Variants in FRMD4A observed in about 807,000 individuals in gnomAD.
The protein encoded by FRMD4A is FERM domain-containing protein 4A.
Under a neutral mutation model 129.1 loss-of-function variants are expected in FRMD4A, and 29 were observed. The observed-to-expected ratio is 0.22, with a 90% CI of 0.17 to 0.31. FRMD4A has a LOEUF of 0.31. Among genes scored for constraint, FRMD4A ranks in the 10% least tolerant of loss-of-function variants. FRMD4A has a pLI of 1.00. For missense variants in FRMD4A, 1,272 were observed against 1,375.8 expected (o/e 0.92, Z 1.19); for synonymous variants, 634 against 571.6 (o/e 1.11, Z -1.56).
At chr10:14,203,247 T>A (rs1385904637) in intron 2 of FRMD4A, among the ~76,000 whole-genome samples, 1 of 152,214 alleles carries the variant, frequency 6.6e-6, no homozygotes, top group Non-Finnish European at 1.5e-5. Context: ...AAATAAATAA[T>A]CAGTCTTTGA....
chr10:13,987,150 C>T (rs190300745), intron 2 of FRMD4A, among the ~76,000 whole-genome samples: 142 of 152,080 alleles, frequency 9.3e-4, no homozygotes, highest in African/African-American at 3.0e-3. Context: ...AAGCTGTGTC[C>T]GTCACTGTAC....
At position 14,072,451 on chromosome 10, in the gene FRMD4A, G is replaced by A. The variant is rs762882637; in HGVS notation, c.46-213539C>T. On this transcript the variant is annotated intron_variant, in intron 2 of 24. Transcript: ENST00000357447. ...AACATTATTTGGAAAATTAAAAGTC[G>A]AAAATATTATAAGATTAAAATTCTG... Among the ~76,000 whole-genome samples, 14 of 152,256 alleles carry A rather than the reference G, an allele frequency of 9.2e-5. No individual in the cohort carries two copies. In the South Asian group the frequency reaches 1.9e-3, roughly 20 times the overall value.
At chr10:13,686,011 C>G (rs1387518728) in intron 15 of FRMD4A, among the ~76,000 whole-genome samples, 1 of 152,224 alleles carries the variant, frequency 6.6e-6, no homozygotes, top group African/African-American at 2.4e-5. Context: ...CAGGCCAGTC[C>G]TGCTCAAACA....
intron 2 of FRMD4A, among the ~76,000 whole-genome samples, chr10:14,206,870 G>C (rs1842799980): frequency 6.7e-6 from 1 of 149,300 alleles, no homozygotes; most frequent in African/African-American, 2.5e-5. Context: ...AATCCTAAAG[G>C]TGAGATCCAC....
At chr10:14,036,898 A>G (rs1213146508) in intron 2 of FRMD4A, among the ~76,000 whole-genome samples, 2 of 152,174 alleles carry the variant, frequency 1.3e-5, no homozygotes, top group Non-Finnish European at 2.9e-5. Context: ...GAGCAACCCA[A>G]TTCTTACCCT....
intron 2 of FRMD4A, among the ~76,000 whole-genome samples, chr10:14,273,783 T>C (rs1845244089): frequency 6.6e-6 from 1 of 152,064 alleles, no homozygotes; most frequent in African/African-American, 2.4e-5. Context: ...GGACTTTGGG[T>C]CCTTTGATAA....
rs189190740 is a variant in FRMD4A at position 14,137,757 on chromosome 10, C to T, written c.45+192301G>A. Among the ~76,000 whole-genome samples the T allele has an allele frequency of 7.9e-5, 12 of 152,310 alleles. No homozygotes were observed. The East Asian group carries it at 2.3e-3, about 29-fold the overall frequency. On this transcript the variant is annotated intron_variant, in intron 2 of 24. Transcript: ENST00000357447. ...TATGTTTTTCCCACCTGTTAATATG[C>T]AATGGCACTCCCTGCCCTCCTTTGC... is the stretch of plus-strand genomic sequence containing the variant.
intron 2 of FRMD4A, among the ~76,000 whole-genome samples, chr10:14,265,959 TAG>T (rs1844963555): frequency 6.6e-6 from 1 of 152,100 alleles, no homozygotes; most frequent in African/African-American, 2.4e-5. Flanking sequence ...CCTTATCACA[TAG>T]AGTCATGAAG....
chr10:13,750,109 G>GAAAGAAAGAAAGAAAGAAATAAAGAAAGA (rs59377985), intron 8 of FRMD4A, among the ~76,000 whole-genome samples: 5 of 73,578 alleles, frequency 6.8e-5, no homozygotes, highest in Admixed American at 4.5e-4. Flanking sequence ...AGAAAGAAAT[G>GAAAGAAAGAAAGAAAGAAATAAAGAAAGA]AAGAAAGAAA....
At chr10:14,073,252 T>C (rs1258471848) in intron 2 of FRMD4A, among the ~76,000 whole-genome samples, 1 of 151,942 alleles carries the variant, frequency 6.6e-6, no homozygotes, top group Non-Finnish European at 1.5e-5. Flanking sequence ...GGGGCAGTAG[T>C]GGGAGTGAGG....
intron 2 of FRMD4A, among the ~76,000 whole-genome samples, chr10:13,870,131 C>T (rs1226297930): frequency 1.3e-5 from 2 of 152,208 alleles, no homozygotes; most frequent in African/African-American, 2.4e-5. Context: ...GAGGCAGAGG[C>T]TAATGGGAAC....
At chr10:13,653,143 C>T (rs1042546080) in intron 23 of FRMD4A, 1 of 151,914 alleles carries the variant, frequency 6.6e-6, no homozygotes, top group African/African-American at 2.4e-5. Flanking sequence ...ACACAGCAAG[C>T]ACTCAGTAAG....
chr10:14,303,271 T>C (rs1054755140), intron 2 of FRMD4A, among the ~76,000 whole-genome samples: 81 of 152,158 alleles, frequency 5.3e-4, no homozygotes, highest in Non-Finnish European at 2.6e-4. Context: ...TTCTCAAATT[T>C]TAACGTGCAC....
At chr10:13,830,589 C>T (rs1291832730) in intron 3 of FRMD4A, among the ~76,000 whole-genome samples, 1 of 152,164 alleles carries the variant, frequency 6.6e-6, no homozygotes, top group African/African-American at 2.4e-5. Flanking sequence ...CTGCCCCCTG[C>T]AGAACCAGCA....
chr10:14,132,521 GC>G (rs1839314008), intron 2 of FRMD4A, among the ~76,000 whole-genome samples: 1 of 152,138 alleles, frequency 6.6e-6, no homozygotes, highest in African/African-American at 2.4e-5. Context: ...AATCTGGCTG[GC>G]CCCTCTTTGT....
rs541926242 is a variant in FRMD4A at position 13,971,562 on chromosome 10, G to A, written c.46-112650C>T. 116 of 674,628 alleles carry A rather than the reference G, an allele frequency of 1.7e-4. 2 individuals carry two copies. Among genetic ancestry groups the A allele is most frequent in the Admixed American group, 1.4e-3 (56 of 41,390 alleles). The allele number at this position is 674,628 out of a possible 1,614,324, so 41.8% of individuals were successfully genotyped here. A position where few individuals can be genotyped will look rare whatever the true frequency, so the allele number is the denominator to read the frequency against. On this transcript the variant is annotated intron_variant, in intron 2 of 24. Transcript: ENST00000357447. The stretch of plus-strand genomic sequence containing the variant: ...TAAATGTAACATGCTTCAGAGTCCC[G>A]AACACATGTGACAATAGCTCATGCC...
At chr10:13,722,282 A>C (rs2089483655) in intron 12 of FRMD4A, among the ~76,000 whole-genome samples, 1 of 138,442 alleles carries the variant, frequency 7.2e-6, no homozygotes, top group Admixed American at 7.9e-5. Flanking sequence ...CCCAGGCTGG[A>C]GTGCAGTGAT....
intron 3 of FRMD4A, among the ~76,000 whole-genome samples, chr10:13,845,316 A>G (rs990701481): frequency 6.6e-6 from 1 of 152,180 alleles, no homozygotes; most frequent in Non-Finnish European, 1.5e-5. Flanking sequence ...AGTGTTCATG[A>G]AAAGATCAGG....
At chr10:14,225,996 T>C (rs998095328) in intron 2 of FRMD4A, among the ~76,000 whole-genome samples, 2 of 152,214 alleles carry the variant, frequency 1.3e-5, no homozygotes, top group African/African-American at 2.4e-5. Flanking sequence ...TTCCTACAAG[T>C]AAATATTCTA....
Sources: allele counts gnomAD v4.1 joint callset (sites outside exome capture counted in the v4.1 genomes callset), GRCh38; gene constraint gnomAD v4.1.1; transcripts MANE v1.5; gene names NCBI Gene and HGNC (gene_info 2026-07-23, HGNC 2026-07-21).